The following ACACA variants were observed in gnomAD, a reference collection of about 807,000 sequenced individuals.
The protein encoded by ACACA is acetyl-CoA carboxylase 1.
In ACACA, 103 loss-of-function variants were observed where a neutral mutation model predicts 296.1. That is an observed-to-expected ratio of 0.35 (90% CI 0.30 to 0.41). The LOEUF (loss-of-function observed/expected upper bound fraction) is 0.41, where lower values mean the gene tolerates loss of function less well. ACACA is among the 10% of genes least tolerant of loss of function. The pLI is 1.00. For synonymous variants in ACACA, 953 were observed against 1,038.6 expected (o/e 0.92, Z 1.58); for missense variants, 1,554 against 2,989.7 (o/e 0.52, Z 11.20).
At chr17:37,347,788 GA>G (rs1010727881) in intron 1 of ACACA, among the ~76,000 whole-genome samples, 1 of 147,294 alleles carries the variant, frequency 6.8e-6, no homozygotes, top group African/African-American at 2.5e-5. Flanking sequence ...TTTTTAACAA[GA>G]AAGAATTTTT....
chr17:37,292,153 T>C (rs1431527756), intron 3 of ACACA, among the ~76,000 whole-genome samples: 1 of 152,204 alleles, frequency 6.6e-6, no homozygotes, highest in African/African-American at 2.4e-5. Flanking sequence ...CGAGCATTTG[T>C]AGAGCTCTAT....
At chr17:37,151,078 G>T (rs1436542013) in intron 44 of ACACA, among the ~76,000 whole-genome samples, 2 of 151,286 alleles carry the variant, frequency 1.3e-5, no homozygotes, top group African/African-American at 4.8e-5. Context: ...AAAATAAAAA[G>T]AAGTTACACT....
chr17:37,208,696 T>C (rs765001929), intron 30 of ACACA, among the ~76,000 whole-genome samples: 8 of 152,214 alleles, frequency 5.3e-5, no homozygotes, highest in South Asian at 2.1e-4. Flanking sequence ...TCTATATTTC[T>C]TGATGTACCT....
intron 14 of ACACA, among the ~76,000 whole-genome samples, chr17:37,255,193 CCAA>C (rs1379931563): frequency 6.6e-6 from 1 of 152,000 alleles, no homozygotes; most frequent in Non-Finnish European, 1.5e-5. Context: ...ATCCATTCAA[CCAA>C]CGTTTACTGA....
chr17:37,373,212 C>T (rs1329847109), intron 1 of ACACA, among the ~76,000 whole-genome samples: 1 of 151,824 alleles, frequency 6.6e-6, no homozygotes, highest in Non-Finnish European at 1.5e-5. Flanking sequence ...GCTCTTCCAC[C>T]GCTCTGCCCC....
intron 9 of ACACA, 75 bp from the exon 10 acceptor site, chr17:37,270,936 C>T: frequency 9.5e-7 from 1 of 1,056,472 alleles, no homozygotes; most frequent in South Asian, 1.3e-5. Context: ...CATTTTTCTC[C>T]CTTTAAGAAT....
At chr17:37,358,595 A>G (rs1174663740) in intron 1 of ACACA, among the ~76,000 whole-genome samples, 1 of 152,010 alleles carries the variant, frequency 6.6e-6, no homozygotes, top group Non-Finnish European at 1.5e-5. Flanking sequence ...CCCCCTTCCC[A>G]CGTGGTCTTC....
At chr17:37,202,714 C>CATATATAT (rs2078318863) in intron 33 of ACACA, among the ~76,000 whole-genome samples, 1 of 13,712 alleles carries the variant, frequency 7.3e-5, no homozygotes, top group Non-Finnish European at 1.3e-4. Context: ...TATATATATA[C>CATATATAT]ACACACACAT....
rs1192879407 is a variant in ACACA, at chr17:37,354,900, C to G, written c.39-15050G>C. Among the ~76,000 whole-genome samples, 5 of 151,988 alleles carry G rather than the reference C, an allele frequency of 3.3e-5. No individual in the cohort carries two copies. In the East Asian group the frequency reaches 9.6e-4, roughly 29 times the overall value. ...AATGATCACGTCACTGCACTCCATC[C>G]GGCCTGGGTGACACAGCGAGAGAAT... On this transcript the variant is annotated intron_variant, in intron 1 of 55. Coordinates refer to ENST00000616317, the MANE Select transcript of ACACA (RefSeq NM_198834.3).
intron 42 of ACACA, 132 bp downstream of exon 42, chr17:37,161,649 T>C (rs2076465937): frequency 1.8e-6 from 2 of 1,094,556 alleles, no homozygotes; most frequent in East Asian, 2.5e-5. Context: ...TTTTCACAAA[T>C]AATTTTGTTT....
rs551107428 is a variant in ACACA at position 37,222,763 on chromosome 17, A to G, written c.3564+749T>C. On this transcript the variant is annotated intron_variant, in intron 28 of 55. Transcript: ENST00000616317. ...TGGCAACAGACTACCGTGATGTTAC[A>G]TTACATAAAATCATCTAAAACACTC... Among the ~76,000 whole-genome samples, 4 of 152,374 alleles carry G rather than the reference A, an allele frequency of 2.6e-5. No homozygotes were observed. The South Asian group carries it at 8.3e-4, about 32-fold the overall frequency.
At chr17:37,314,634 C>CTTTTTTT (rs57554348) in intron 3 of ACACA, among the ~76,000 whole-genome samples, 6 of 110,002 alleles carry the variant, frequency 5.5e-5, no homozygotes, top group East Asian at 3.0e-4. Flanking sequence ...GGAATCCACA[C>CTTTTTTT]TTTTTTTTTT....
At position 37,213,517 on chromosome 17, in the gene ACACA, C is replaced by A. The variant is rs1048086881; in HGVS notation, c.3684-3027G>T. On this transcript the variant is annotated intron_variant, in intron 29 of 55. Coordinates refer to ENST00000616317, the MANE Select transcript of ACACA (RefSeq NM_198834.3). ...TTACAACATTTGATGAATATTAGAA[C>A]CACTTTCTTTCTAGTAGATTAGCTC... Among the ~76,000 whole-genome samples the A allele has an allele frequency of 3.9e-5, 6 of 152,190 alleles. 1 individual carries two copies. The highest frequency in any genetic ancestry group is 3.9e-4 in the Admixed American group (6 of 15,286).
At chr17:37,349,385 A>ATAT (rs1025007606) in intron 1 of ACACA, among the ~76,000 whole-genome samples, 111 of 147,742 alleles carry the variant, frequency 7.5e-4, no homozygotes, top group Non-Finnish European at 1.4e-3. Flanking sequence ...TTACATATAT[A>ATAT]TATATATATA....
chr17:37,236,006 A>G (rs1190830413), intron 24 of ACACA, among the ~76,000 whole-genome samples: 1 of 152,224 alleles, frequency 6.6e-6, no homozygotes, highest in Non-Finnish European at 1.5e-5. Context: ...GTAAAGAGGA[A>G]TTAGTGTTTG....
At position 37,097,228 on chromosome 17, in the gene ACACA, G is replaced by T. The variant is rs2073048720; in HGVS notation, c.6721-62C>A. The stretch of plus-strand genomic sequence containing the variant: ...ATTCCTGCTTAATGCTCAGTCTGGA[G>T]GGAAACCCACAGGCATAAAAACTGA... On this transcript the variant is annotated intron_variant, in intron 53 of 55. Coordinates refer to ENST00000616317, the MANE Select transcript of ACACA (RefSeq NM_198834.3). This position sits in a 1 kb window ranked among gnomAD's most constrained non-coding sequence, Gnocchi z 4.8. 27 of 1,579,100 alleles carry T rather than the reference G, an allele frequency of 1.7e-5. No homozygotes were observed. The highest frequency in any genetic ancestry group is 2.3e-5 in the Non-Finnish European group (27 of 1,161,756).
At chr17:37,286,822 A>C (rs192360952) in intron 3 of ACACA, among the ~76,000 whole-genome samples, 9 of 151,798 alleles carry the variant, frequency 5.9e-5, no homozygotes, top group Non-Finnish European at 1.2e-4. Flanking sequence ...TCCAGGCACC[A>C]GCCCTCCAGG....
chr17:37,190,153 G>T (rs1163433954), intron 38 of ACACA, among the ~76,000 whole-genome samples: 1 of 152,130 alleles, frequency 6.6e-6, no homozygotes, highest in Non-Finnish European at 1.5e-5. Flanking sequence ...AAGGGGCCAG[G>T]CACGGTGGCT....
chr17:37,263,950 C>T (rs544949691), intron 10 of ACACA, 56 bp from the exon 11 acceptor site: 40 of 1,450,346 alleles, frequency 2.8e-5, no homozygotes, highest in Admixed American at 1.9e-4. Context: ...AACTTTTTAT[C>T]TATCTTGATA....
Sources: gnomAD v4.1 joint callset for allele counts (sites outside exome capture counted in the v4.1 genomes callset) on GRCh38, gnomAD v4.1.1 for gene constraint, Gnocchi (gnomAD v3.1) non-coding constraint, MANE v1.5 for transcripts, NCBI Gene and HGNC (gene_info 2026-07-23, HGNC 2026-07-21) for gene names.